NSRP1: variants seen among roughly 807,000 people sequenced by gnomAD.
NSRP1 encodes the protein nuclear speckle splicing regulatory protein 1, also known as coiled-coil domain containing 55.
In NSRP1, 24 loss-of-function variants were observed where a neutral mutation model predicts 54.7. The observed-to-expected ratio is 0.44, with a 90% CI of 0.32 to 0.62. NSRP1 has a LOEUF of 0.62. Ranked by LOEUF, NSRP1 falls within the 20% of genes least tolerant of loss-of-function variation. NSRP1 has a pLI of 0.06. For missense variants in NSRP1, 596 were observed against 651.2 expected (o/e 0.92, Z 0.92); for synonymous variants, 210 against 213.8 (o/e 0.98, Z 0.15).
intron 2 of NSRP1, among the ~76,000 whole-genome samples, chr17:30,141,199 A>G (rs559539738): frequency 2.9e-4 from 44 of 152,224 alleles, no homozygotes; most frequent in Admixed American, 2.7e-3. Context: ...TATTATCTCC[A>G]TATAATCTTC....
At chr17:30,144,869 C>T (rs1227743362) in intron 2 of NSRP1, 1 of 152,210 alleles carries the variant, frequency 6.6e-6, no homozygotes, top group Non-Finnish European at 1.5e-5. Context: ...CTGATCCCCT[C>T]TCATTCCCCT....
chr17:30,121,035 C>T lies in NSRP1; in HGVS notation c.114+2862C>T, dbSNP rs146583665. Among the ~76,000 whole-genome samples the T allele has an allele frequency of 2.1e-3, 320 of 152,204 alleles. 4 individuals are homozygous for T. Among genetic ancestry groups the T allele is most frequent in the Admixed American group, 0.018 (278 of 15,280 alleles). On this transcript the variant is annotated intron_variant, in intron 2 of 6. Transcript: ENST00000247026. ...ATTTGGGAGAGAACAGCAAGAAATA[C>T]AGAATGGCATACAAGTACAAGGCAT...
Position 30,179,080 on chromosome 17 carries a change from A to T in NSRP1, c.301-10A>T. On this transcript the variant is annotated splice_polypyrimidine_tract_variant and intron_variant, in intron 4 of 6. Coordinates refer to ENST00000247026, the MANE Select transcript of NSRP1 (RefSeq NM_032141.4). The stretch of plus-strand genomic sequence containing the variant: ...TTTACTCTTTTCCTAAATCTTTTTT[A>T]TTTCCTTAGCCCAAGTATATTCACA... The T allele has an allele frequency of 6.9e-7, 1 of 1,448,246 alleles. No individual in the cohort carries two copies. The highest frequency in any genetic ancestry group is 9.2e-7 in the Non-Finnish European group (1 of 1,092,352). 89.7% of individuals were successfully genotyped at this position (1,448,246 alleles called of 1,614,324 possible). A position where few individuals can be genotyped will look rare whatever the true frequency, so the allele number is the denominator to read the frequency against.
At chr17:30,147,304 AT>A (rs2071865211) in intron 2 of NSRP1, among the ~76,000 whole-genome samples, 1 of 150,694 alleles carries the variant, frequency 6.6e-6, no homozygotes, top group African/African-American at 2.4e-5. Context: ...TAATTTTTGT[AT>A]TTTTAGTAGA....
At chr17:30,143,393 G>T (rs1385698075) in intron 2 of NSRP1, among the ~76,000 whole-genome samples, 1 of 152,140 alleles carries the variant, frequency 6.6e-6, no homozygotes, top group African/African-American at 2.4e-5. Flanking sequence ...CATCTTTAGT[G>T]TCAAGAGATT....
intron 2 of NSRP1, among the ~76,000 whole-genome samples, chr17:30,125,278 AT>A (rs1165453825): frequency 6.6e-5 from 10 of 152,370 alleles, no homozygotes; most frequent in South Asian, 4.1e-4. Context: ...TTAAGCAACA[AT>A]TAAATTATTA....
chr17:30,163,228 TG>T (rs1424804175), intron 2 of NSRP1: 3 of 147,876 alleles, frequency 2.0e-5, no homozygotes, highest in Non-Finnish European at 4.4e-5. Context: ...TGTGTGTGTG[TG>T]TGTGTGTGTG....
intron 4 of NSRP1, 55 bp from the exon 5 acceptor site, chr17:30,179,035 A>G: frequency 9.4e-7 from 1 of 1,065,600 alleles, no homozygotes; most frequent in Non-Finnish European, 1.3e-6. Context: ...AAAAATTATA[A>G]TATTAACAAT....
At chr17:30,121,594 GTC>G (rs1253825781) in intron 2 of NSRP1, among the ~76,000 whole-genome samples, 2 of 146,916 alleles carry the variant, frequency 1.4e-5, no homozygotes, top group African/African-American at 5.1e-5. Context: ...TTGAGACGGA[GTC>G]TCTGTCACTC....
chr17:30,152,143 A>C (rs2071917668), intron 2 of NSRP1, among the ~76,000 whole-genome samples: 1 of 150,524 alleles, frequency 6.6e-6, no homozygotes, highest in South Asian at 2.1e-4. Context: ...TTTTTTTTAA[A>C]ACAGAGTCTG....
intron 2 of NSRP1, among the ~76,000 whole-genome samples, chr17:30,159,376 G>A (rs769104722): frequency 2.6e-5 from 4 of 151,916 alleles, no homozygotes; most frequent in Admixed American, 1.3e-4. Flanking sequence ...GTGTGTAGTC[G>A]TTTGGTTTTT....
At chr17:30,174,246 CT>C (rs1306960746) in intron 3 of NSRP1, among the ~76,000 whole-genome samples, 2 of 152,044 alleles carry the variant, frequency 1.3e-5, no homozygotes, top group Non-Finnish European at 2.9e-5. Context: ...TTTAGTGGGA[CT>C]TTTTGTAGTT....
chr17:30,179,190 A>AG lies in NSRP1; in HGVS notation c.406dup (p.Glu136GlyfsTer3). 6.2e-7 allele frequency: 1 copy of AG among 1,611,136 alleles called. No individual in the cohort carries two copies. The highest frequency in any genetic ancestry group is 8.5e-7 in the Non-Finnish European group (1 of 1,178,376). On this transcript the variant is annotated frameshift_variant, in exon 5 of 7. Transcript: ENST00000247026. LOFTEE classifies it high-confidence loss of function. ...ATACAGAGAGAACGAGAAATGGAAA[A>AG]GGGGGAGTTTGATGATAAAGAAGCA...
intron 1 of NSRP1, chr17:30,117,519 C>T: frequency 2.4e-6 from 1 of 410,632 alleles, no homozygotes; most frequent in Non-Finnish European, 4.3e-6. Flanking sequence ...CTCAGATGCT[C>T]CGAGGCAAAG....
intron 2 of NSRP1, among the ~76,000 whole-genome samples, chr17:30,131,002 G>T (rs999991055): frequency 6.6e-6 from 1 of 152,126 alleles, no homozygotes; most frequent in Non-Finnish European, 1.5e-5. Context: ...TGGTGGTGGT[G>T]GGGGGTGATA....
chr17:30,183,348 G>A (rs915908640), intron 6 of NSRP1, among the ~76,000 whole-genome samples: 2 of 152,092 alleles, frequency 1.3e-5, no homozygotes, highest in Admixed American at 6.5e-5. Flanking sequence ...CCCTCCCTAC[G>A]CTGCTAGGCT....
chr17:30,131,780 C>T (rs377611570), intron 2 of NSRP1, among the ~76,000 whole-genome samples: 24 of 152,110 alleles, frequency 1.6e-4, no homozygotes, highest in African/African-American at 4.1e-4. Context: ...AATTATTTCT[C>T]GGTAACATGT....
chr17:30,117,479 T>C (rs2071547701), intron 1 of NSRP1: 4 of 422,612 alleles, frequency 9.5e-6, no homozygotes, highest in Non-Finnish European at 1.7e-5. Context: ...CGTGAGAAAC[T>C]AAAGGAGTTG....
chr17:30,137,456 T>C (rs4470197), intron 2 of NSRP1, among the ~76,000 whole-genome samples: 75,554 of 152,070 alleles, frequency 0.5, 19,331 homozygotes, highest in East Asian at 0.82. Context: ...ATTGCTTTTC[T>C]CCCCTCTGCC....
Sources: gnomAD v4.1 joint callset for allele counts (sites outside exome capture counted in the v4.1 genomes callset) on GRCh38, gnomAD v4.1.1 for gene constraint, MANE v1.5 for transcripts, NCBI Gene and HGNC (gene_info 2026-07-23, HGNC 2026-07-21) for gene names.